Variants in WWOX observed in about 807,000 individuals in gnomAD.
WWOX encodes the protein WW domain-containing oxidoreductase.
A neutral mutation model predicts 46.2 loss-of-function variants in WWOX; 69 were observed. The observed-to-expected ratio is 1.49, with a 90% confidence interval of 1.23 to 1.82. The LOEUF (loss-of-function observed/expected upper bound fraction) is 1.82. Ranked by LOEUF, WWOX falls within the 40% of genes most tolerant of loss-of-function variation. The pLI, the probability that WWOX is intolerant of heterozygous loss-of-function variation, is 0.00. For synonymous variants in WWOX, 359 were observed against 202.6 expected (o/e 1.77, Z -6.56); for missense variants, 919 against 542.6 (o/e 1.69, Z -6.89).
chr16:78,793,601 T>C (rs1597619487), intron 8 of WWOX, among the ~76,000 whole-genome samples: 1 of 152,338 alleles, frequency 6.6e-6, no homozygotes, highest in Middle Eastern at 3.4e-3. Context: ...GTAACCTTTA[T>C]TGTTTAAATA....
intron 8 of WWOX, among the ~76,000 whole-genome samples, chr16:79,130,040 A>T (rs1010243004): frequency 6.6e-6 from 1 of 152,258 alleles, no homozygotes; most frequent in Non-Finnish European, 1.5e-5. Flanking sequence ...AGCAGTTTTC[A>T]TTAATTAATG....
intron 5 of WWOX, among the ~76,000 whole-genome samples, chr16:78,362,779 A>C (rs1218878422): frequency 6.6e-6 from 1 of 152,216 alleles, no homozygotes; most frequent in Non-Finnish European, 1.5e-5. Context: ...CCAGTAGATA[A>C]ATATACCACA....
At chr16:78,924,363 TATC>T (rs1484436263) in intron 8 of WWOX, among the ~76,000 whole-genome samples, 1 of 152,168 alleles carries the variant, frequency 6.6e-6, no homozygotes, top group Non-Finnish European at 1.5e-5. Context: ...GCTGCCATCA[TATC>T]ATCATCAAAA....
chr16:78,220,577 G>T (rs138956998), intron 5 of WWOX, among the ~76,000 whole-genome samples: 100 of 152,008 alleles, frequency 6.6e-4, no homozygotes, highest in African/African-American at 2.4e-3. Flanking sequence ...TTTTAGCTTG[G>T]GTATTAACCT....
At chr16:78,912,842 A>T (rs564976939) in intron 8 of WWOX, among the ~76,000 whole-genome samples, 60 of 152,080 alleles carry the variant, frequency 3.9e-4, no homozygotes, top group African/African-American at 1.4e-3. Flanking sequence ...AAGAGGTCAG[A>T]CGTATTATCA....
At chr16:78,755,473 G>A (rs769863556) in intron 8 of WWOX, among the ~76,000 whole-genome samples, 31 of 152,212 alleles carry the variant, frequency 2.0e-4, no homozygotes, top group African/African-American at 6.5e-4. Flanking sequence ...GCTGCATGAT[G>A]ATGAGGGAGG....
chr16:78,491,808 C>G (rs1003490189), intron 8 of WWOX, among the ~76,000 whole-genome samples: 4 of 152,124 alleles, frequency 2.6e-5, no homozygotes, highest in African/African-American at 9.7e-5. Context: ...TTTTAAATAA[C>G]TATCATTTGC....
chr16:78,563,071 T>C (rs2044477463), intron 8 of WWOX, among the ~76,000 whole-genome samples: 1 of 152,120 alleles, frequency 6.6e-6, no homozygotes, highest in African/African-American at 2.4e-5. Flanking sequence ...ATGTATCTGA[T>C]TTTACAGCAT....
chr16:78,412,559 G>C (rs1042529332), intron 6 of WWOX, among the ~76,000 whole-genome samples: 2 of 152,110 alleles, frequency 1.3e-5, no homozygotes, highest in Non-Finnish European at 2.9e-5. Flanking sequence ...GGTTGGAGGA[G>C]ACAAAAAATG....
intron 8 of WWOX, among the ~76,000 whole-genome samples, chr16:78,648,283 G>A (rs2046889157): frequency 6.6e-6 from 1 of 152,166 alleles, no homozygotes; most frequent in Admixed American, 6.5e-5. Context: ...TAGTCTGGAG[G>A]CCCTCTGAGA....
chr16:78,452,951 C>A (rs1325936154), intron 8 of WWOX, among the ~76,000 whole-genome samples: 1 of 149,802 alleles, frequency 6.7e-6, no homozygotes. Context: ...TGGCTCACTG[C>A]AGCCTCATGA....
intron 8 of WWOX, among the ~76,000 whole-genome samples, chr16:79,138,026 C>G (rs1478250772): frequency 5.3e-5 from 8 of 152,176 alleles, no homozygotes; most frequent in Non-Finnish European, 1.0e-4. Flanking sequence ...TTTACCCAAA[C>G]TGTTTCCATG....
chr16:78,972,377 C>T (rs1470380197), intron 8 of WWOX, among the ~76,000 whole-genome samples: 1 of 151,362 alleles, frequency 6.6e-6, no homozygotes, highest in Non-Finnish European at 1.5e-5. Flanking sequence ...TATTTCAAAG[C>T]AGGATCTTAA....
At chr16:78,653,265 C>T (rs921058392) in intron 8 of WWOX, among the ~76,000 whole-genome samples, 2 of 151,898 alleles carry the variant, frequency 1.3e-5, no homozygotes, top group African/African-American at 4.8e-5. Context: ...GTAACCATTC[C>T]CTAGTGTTGG....
At chr16:78,466,483 C>G (rs1462222992) in intron 8 of WWOX, among the ~76,000 whole-genome samples, 1 of 152,198 alleles carries the variant, frequency 6.6e-6, no homozygotes, top group Admixed American at 6.5e-5. Context: ...GAGGCTAACA[C>G]ATAAGGAGAC....
chr16:79,078,878 A>T (rs998928673), intron 8 of WWOX, among the ~76,000 whole-genome samples: 8 of 152,212 alleles, frequency 5.3e-5, no homozygotes, highest in African/African-American at 1.9e-4. Flanking sequence ...TGCCAGGCAC[A>T]TAATAGGTGC....
intron 6 of WWOX, among the ~76,000 whole-genome samples, chr16:78,414,731 C>T (rs1219960810): frequency 6.6e-6 from 1 of 152,188 alleles, no homozygotes; most frequent in African/African-American, 2.4e-5. Context: ...CCCTCTCATC[C>T]TAACGTGGTG....
chr16:78,848,264 G>C (rs980843301), intron 8 of WWOX, among the ~76,000 whole-genome samples: 1 of 152,196 alleles, frequency 6.6e-6, no homozygotes, highest in South Asian at 2.1e-4. Context: ...CTCCCAATCA[G>C]TGCTGCTTTT....
intron 8 of WWOX, among the ~76,000 whole-genome samples, chr16:79,034,162 C>T (rs2047820734): frequency 6.6e-6 from 1 of 152,124 alleles, no homozygotes; most frequent in Admixed American, 6.5e-5. Flanking sequence ...TTTTCTTCTC[C>T]ATCTATAACA....
Sources: gnomAD v4.1 joint callset for allele counts (sites outside exome capture counted in the v4.1 genomes callset) on GRCh38, gnomAD v4.1.1 for gene constraint, MANE v1.5 for transcripts, NCBI Gene and HGNC (gene_info 2026-07-23, HGNC 2026-07-21) for gene names.